AP3S1: variants seen among roughly 807,000 people sequenced by gnomAD.
The protein encoded by AP3S1 is adaptor related protein complex 3 subunit sigma 1, also known as AP-3 complex subunit sigma-1.
AP3S1 carries 12 observed loss-of-function variants against 21.3 expected under a neutral mutation model. The observed-to-expected ratio is 0.56, with a 90% CI of 0.36 to 0.91. The LOEUF (loss-of-function observed/expected upper bound fraction) is 0.91, where lower values mean the gene tolerates loss of function less well. Ranked by LOEUF, AP3S1 falls within the 40% of genes least tolerant of loss-of-function variation. The probability of loss-of-function intolerance (pLI) is 0.01; values close to 1 mark genes in which losing one functional copy is unlikely to be tolerated. For missense variants in AP3S1, 116 were observed against 225.0 expected, an observed-to-expected ratio of 0.52 and a Z score of 3.10; for synonymous variants, 48 against 78.4, an observed-to-expected ratio of 0.61 and a Z score of 2.05.
At chr5:115,859,145 G>A (rs1321609201) in intron 1 of AP3S1, among the ~76,000 whole-genome samples, 1 of 152,140 alleles carries the variant, frequency 6.6e-6, no homozygotes, top group Non-Finnish European at 1.5e-5. Flanking sequence ...TCCATGATTA[G>A]AGGTTGCCTG....
At chr5:115,877,191 T>C (rs1748799522) in intron 3 of AP3S1, among the ~76,000 whole-genome samples, 1 of 152,096 alleles carries the variant, frequency 6.6e-6, no homozygotes, top group Non-Finnish European at 1.5e-5. Flanking sequence ...GTAATATATA[T>C]ATATTTTTAT....
chr5:115,891,688 C>T (rs1483806195), intron 3 of AP3S1, among the ~76,000 whole-genome samples: 1 of 152,024 alleles, frequency 6.6e-6, no homozygotes, highest in African/African-American at 2.4e-5. Flanking sequence ...GGCACTGCCT[C>T]GTGGAGTTAT....
chr5:115,861,179 A>G (rs1488660540), intron 1 of AP3S1, among the ~76,000 whole-genome samples: 1 of 152,232 alleles, frequency 6.6e-6, no homozygotes, highest in African/African-American at 2.4e-5. Context: ...AGAGTCAGGA[A>G]AGACTTCATA....
chr5:115,865,748 T>C (rs1243241135), intron 1 of AP3S1, among the ~76,000 whole-genome samples: 1 of 152,176 alleles, frequency 6.6e-6, no homozygotes, highest in Non-Finnish European at 1.5e-5. Context: ...TCCTGTGAAA[T>C]TGGTGTTCAT....
At chr5:115,880,227 T>A (rs529814714) in intron 3 of AP3S1, among the ~76,000 whole-genome samples, 18 of 152,332 alleles carry the variant, frequency 1.2e-4, no homozygotes, top group African/African-American at 4.3e-4. Flanking sequence ...ATCTTAGTTA[T>A]TTCTTGTCTT....
At chr5:115,869,938 C>G in intron 2 of AP3S1, 79 bp from the exon 3 acceptor site, 1 of 870,986 alleles carries the variant, frequency 1.1e-6, no homozygotes, top group South Asian at 1.9e-5. Context: ...GGTTTTTAAA[C>G]AAATTGTCAG....
At chr5:115,862,327 A>G (rs545204101) in intron 1 of AP3S1, among the ~76,000 whole-genome samples, 1 of 152,316 alleles carries the variant, frequency 6.6e-6, no homozygotes, top group Non-Finnish European at 1.5e-5. Context: ...AAATATAAAA[A>G]AAAATTAAAA....
At chr5:115,870,690 C>T (rs1748159536) in intron 3 of AP3S1, among the ~76,000 whole-genome samples, 1 of 152,132 alleles carries the variant, frequency 6.6e-6, no homozygotes, top group African/African-American at 2.4e-5. Flanking sequence ...CAAACACCTC[C>T]AAATTTTATC....
Position 115,901,446 on chromosome 5 carries a change from CTGGTT to C in AP3S1, c.346-1428_346-1424del, listed in dbSNP as rs577542975. Among the ~76,000 whole-genome samples the C allele has an allele frequency of 4.1e-3, 512 of 124,840 alleles. 4 individuals carry two copies. Among genetic ancestry groups the C allele is most frequent in the Non-Finnish European group, 4.4e-3 (266 of 60,906 alleles). 81.9% of individuals were successfully genotyped at this position (124,840 alleles called of 152,430 possible). On this transcript the variant is annotated intron_variant, in intron 4 of 5. Transcript: ENST00000316788. Reference sequence around the variant, plus strand: ...GGTAGTTTTCAAAACACTGTCATGTCTGGTTTGGTTTGGTTGGCTAGGAAGATTAA... The same window carrying C: ...GGTAGTTTTCAAAACACTGTCATGTCTGGTTTGGTTGGCTAGGAAGATTAA...
At chr5:115,894,138 A>G (rs913227569) in intron 3 of AP3S1, among the ~76,000 whole-genome samples, 2 of 152,218 alleles carry the variant, frequency 1.3e-5, no homozygotes, top group African/African-American at 4.8e-5. Context: ...GGCACATGGG[A>G]TGAAGTCTGG....
At chr5:115,892,959 A>G (rs1313656672) in intron 3 of AP3S1, among the ~76,000 whole-genome samples, 1 of 152,150 alleles carries the variant, frequency 6.6e-6, no homozygotes, top group Non-Finnish European at 1.5e-5. Flanking sequence ...TACCCACAGA[A>G]ATTAAAATAA....
chr5:115,899,514 C>T (rs1050157438), intron 4 of AP3S1, among the ~76,000 whole-genome samples: 10 of 152,304 alleles, frequency 6.6e-5, no homozygotes, highest in Admixed American at 6.5e-4. Flanking sequence ...TCTTGAACTC[C>T]TGACCTCAAG....
intron 3 of AP3S1, among the ~76,000 whole-genome samples, chr5:115,884,569 C>T (rs1749609765): frequency 6.6e-6 from 1 of 152,080 alleles, no homozygotes; most frequent in South Asian, 2.1e-4. Flanking sequence ...GGTGAGACTT[C>T]GTCTCCAACA....
intron 4 of AP3S1, among the ~76,000 whole-genome samples, chr5:115,901,630 C>A (rs909118244): frequency 4.6e-5 from 7 of 151,378 alleles, no homozygotes; most frequent in African/African-American, 1.7e-4. Context: ...TTTCAGCTCA[C>A]TGCACCCTCC....
chr5:115,843,987 A>G (rs1293499235), intron 1 of AP3S1, among the ~76,000 whole-genome samples: 1 of 152,238 alleles, frequency 6.6e-6, no homozygotes, highest in Non-Finnish European at 1.5e-5. Context: ...GCACAGAGCT[A>G]GAAGATATAA....
intron 2 of AP3S1, 57 bp from the exon 3 acceptor site, chr5:115,869,960 T>C: frequency 9.2e-7 from 1 of 1,087,550 alleles, no homozygotes; most frequent in Non-Finnish European, 1.3e-6. Context: ...TTGCTTGAGC[T>C]AATGAAAATG....
chr5:115,909,015 C>G (rs1463008178), intron 5 of AP3S1: 2 of 982,730 alleles, frequency 2.0e-6, no homozygotes, highest in African/African-American at 3.5e-5. Flanking sequence ...CAACTTCCAG[C>G]AGGAAGGGTG....
chr5:115,865,820 G>A (rs997057002), intron 1 of AP3S1, among the ~76,000 whole-genome samples: 1 of 152,132 alleles, frequency 6.6e-6, no homozygotes, highest in Non-Finnish European at 1.5e-5. Flanking sequence ...TTTTGTTTGA[G>A]ATAGAATCTC....
intron 1 of AP3S1, among the ~76,000 whole-genome samples, chr5:115,850,294 T>C (rs1015650727): frequency 2.0e-5 from 3 of 152,220 alleles, no homozygotes; most frequent in African/African-American, 7.2e-5. Context: ...ATACATATCC[T>C]ATTTCCTGTC....
Sources: gnomAD v4.1 joint callset for allele counts (sites outside exome capture counted in the v4.1 genomes callset) on GRCh38, gnomAD v4.1.1 for gene constraint, MANE v1.5 for transcripts, NCBI Gene and HGNC (gene_info 2026-07-23, HGNC 2026-07-21) for gene names.